The following PLCB3 variants were observed in gnomAD, a reference collection of about 807,000 sequenced individuals.
PLCB3 encodes the protein 1-phosphatidylinositol 4,5-bisphosphate phosphodiesterase beta-3.
Under a neutral mutation model 152.1 loss-of-function variants are expected in PLCB3, and 54 were observed. The observed-to-expected ratio is 0.36, with a 90% confidence interval of 0.29 to 0.45. The LOEUF (loss-of-function observed/expected upper bound fraction) is 0.45, where lower values mean the gene tolerates loss of function less well. Ranked by LOEUF, PLCB3 falls within the 20% of genes least tolerant of loss-of-function variation. The pLI is 1.00. For missense variants in PLCB3, 1,248 were observed against 1,687.5 expected, an observed-to-expected ratio of 0.74 and a Z score of 4.56; for synonymous variants, 717 against 698.7, an observed-to-expected ratio of 1.03 and a Z score of -0.41.
At chr11:64,254,578 G>T in intron 2 of PLCB3, 86 bp downstream of exon 2, 2 of 1,429,314 alleles carry the variant, frequency 1.4e-6, no homozygotes, top group South Asian at 2.3e-5. Context: ...GGGCCCGGCT[G>T]CAGGCTGACC....
At position 64,251,658 on chromosome 11, in the gene PLCB3, C is replaced by T; in HGVS notation, c.9C>T (p.Gly3=). The stretch of plus-strand genomic sequence containing the variant: ...CCGCCCCTGGCCGGGCCATGGCGGG[C>T]GCCCAGCCCGGCGTCCACGCGCTGC... MA[G]AQPGVHALQL... The change falls in exon 1 of 31, where the codon GGC becomes GGT. Residue 3 remains glycine, a synonymous_variant. Transcript: ENST00000279230. 3.4e-6 allele frequency: 5 copies of T among 1,464,244 alleles called. 1 individual carries two copies. In the South Asian group the frequency reaches 4.0e-5, roughly 12 times the overall value. The allele number at this position is 1,464,244 out of a possible 1,614,324, so 90.7% of individuals were successfully genotyped here. A position where few individuals can be genotyped will look rare whatever the true frequency, so the allele number is the denominator to read the frequency against.
chr11:64,261,742 A>G lies in PLCB3; in HGVS notation c.1913+77A>G, dbSNP rs566765503. 2.6e-5 allele frequency: 38 copies of G among 1,452,724 alleles called. No individual in the cohort carries two copies. In the South Asian group the frequency reaches 3.4e-4, roughly 13 times the overall value. 90.0% of individuals were successfully genotyped at this position (1,452,724 alleles called of 1,614,324 possible). ...GCCGGCTCCGGTGTTCTGTCCCCAC[A>G]TATGCCACCTGCACAGGGTGCTGGC... On this transcript the variant is annotated intron_variant, in intron 16 of 30. Transcript: ENST00000279230.
At position 64,258,479 on chromosome 11, in the gene PLCB3, A is replaced by G; in HGVS notation, c.1019A>G (p.Gln340Arg). 1 of 1,612,584 alleles carries G rather than the reference A, an allele frequency of 6.2e-7. No homozygotes were observed. The highest frequency in any genetic ancestry group is 8.5e-7 in the Non-Finnish European group (1 of 1,179,464). Residue 340 changes from glutamine to arginine, a missense_variant, in exon 11 of 31, where the codon CAG becomes CGG. Physicochemically the swap from Gln to Arg is conservative, Grantham distance 43. Coordinates refer to ENST00000279230, the MANE Select transcript of PLCB3 (RefSeq NM_000932.5). This position sits in a 1 kb window ranked among gnomAD's most constrained non-coding sequence, Gnocchi z 7.2. ...SSHNTYLTAGQLAGTSSVEMY... is the reference protein window; with the variant it reads ...SSHNTYLTAGRLAGTSSVEMY... ...CAGAGCCTCGCCGCCCCAGCGGGGCAGCTGGCTGGGACCTCGTCGGTGGAG... is the reference window on the plus strand; with the variant it reads ...CAGAGCCTCGCCGCCCCAGCGGGGCGGCTGGCTGGGACCTCGTCGGTGGAG...
rs765691655 is a variant in PLCB3, at chr11:64,256,417, T to G, written c.740T>G (p.Met247Arg). 1 of 1,613,602 alleles carries G rather than the reference T, an allele frequency of 6.2e-7. No individual in the cohort carries two copies. The highest frequency in any genetic ancestry group is 2.2e-5 in the East Asian group (1 of 44,866). ...CCATACCTGACGCTGGAGCAGCTCA[T>G]GGACTTCATCAACCAGAAGCAACGC... ...GKPYLTLEQLMDFINQKQRDP... is the reference protein window; with the variant it reads ...GKPYLTLEQLRDFINQKQRDP... The change falls in exon 9 of 31, where the codon ATG (methionine) becomes AGG (arginine). Residue 247 changes from methionine to arginine, a missense_variant. Physicochemically the swap from Met to Arg is moderately conservative, Grantham distance 91. Transcript: ENST00000279230.
At chr11:64,265,284 G>A (rs776870992) in intron 24 of PLCB3, 26 bp from the exon 25 acceptor site, 115 of 1,406,404 alleles carry the variant, frequency 8.2e-5, no homozygotes, top group Middle Eastern at 1.9e-4. Context: ...CCCACCCCCC[G>A]CCCACCTTTG....
intron 10 of PLCB3, 66 bp downstream of exon 10, chr11:64,256,830 C>T (rs2031558518): frequency 1.3e-6 from 2 of 1,515,206 alleles, no homozygotes; most frequent in Non-Finnish European, 1.8e-6. Context: ...CCCCACTCCT[C>T]CTGGGGCACA....
In PLCB3 at chr11:64,263,486, T is replaced by C; in HGVS notation, c.2356-12T>C. 6.5e-7 allele frequency: 1 copy of C among 1,536,090 alleles called. No homozygotes were observed. Among genetic ancestry groups the C allele is most frequent in the Non-Finnish European group, 8.8e-7 (1 of 1,135,550 alleles). On this transcript the variant is annotated splice_polypyrimidine_tract_variant and intron_variant, in intron 19 of 30. Transcript: ENST00000279230. ...GGTCAGCCCTGTGGCTCAGCTCCAGTCTGGCCCACAGGTGGTGCTGCCCAC... is the reference window on the plus strand; with the variant it reads ...GGTCAGCCCTGTGGCTCAGCTCCAGCCTGGCCCACAGGTGGTGCTGCCCAC...
At position 64,255,832 on chromosome 11, in the gene PLCB3, C is replaced by T; in HGVS notation, c.698+11C>T. The T allele has an allele frequency of 6.3e-7, 1 of 1,583,026 alleles. No homozygotes were observed. Among genetic ancestry groups the T allele is most frequent in the South Asian group, 1.1e-5 (1 of 90,478 alleles). On this transcript the variant is annotated intron_variant, in intron 8 of 30. Transcript: ENST00000279230. This position sits in a 1 kb window ranked among gnomAD's most constrained non-coding sequence, Gnocchi z 6.8. ...GATCCTGCTGGAGATGTGAGTGGGC[C>T]CGGCCTGCCTCACAACCCCTGTGCT...
rs568726037 is a variant in PLCB3 at position 64,259,283 on chromosome 11, A to G, written c.1525+39A>G. 27 of 1,433,882 alleles carry G rather than the reference A, an allele frequency of 1.9e-5. 1 individual carries two copies. The highest frequency in any genetic ancestry group is 2.5e-4 in the Middle Eastern group (1 of 3,964). 88.8% of individuals were successfully genotyped at this position (1,433,882 alleles called of 1,614,324 possible). ...CGGCCCGCCACCCTGACTTGACCCT[A>G]GCCTCTGGCCTCATGCTCCAGGCGC... On this transcript the variant is annotated intron_variant, in intron 13 of 30. Transcript: ENST00000279230.
intron 1 of PLCB3, among the ~76,000 whole-genome samples, chr11:64,253,864 G>A (rs958481542): frequency 8.5e-5 from 13 of 152,178 alleles, no homozygotes; most frequent in African/African-American, 2.9e-4. Context: ...TGAGGACCCC[G>A]GCAGATGTGG....
chr11:64,266,256 G>A lies in PLCB3; in HGVS notation c.3266+54G>A, dbSNP rs369759996. The A allele has an allele frequency of 1.2e-6, 2 of 1,613,878 alleles. No homozygotes were observed. The highest frequency in any genetic ancestry group is 4.5e-5 in the East Asian group (2 of 44,884). ...GGCTGGGGACTTCTAGTACCAGAAGGAGGGCAGAGTCTGTGCTTCTGCCGC... is the reference window on the plus strand; with the variant it reads ...GGCTGGGGACTTCTAGTACCAGAAGAAGGGCAGAGTCTGTGCTTCTGCCGC... On this transcript the variant is annotated intron_variant, in intron 27 of 30. Transcript: ENST00000279230. This position sits in a 1 kb window ranked among gnomAD's most constrained non-coding sequence, Gnocchi z 4.9.
In PLCB3 at chr11:64,267,850, G is replaced by A. The variant is rs1045343917; in HGVS notation, c.*294G>A. 67 of 405,378 alleles carry A rather than the reference G, an allele frequency of 1.7e-4. No homozygotes were observed. The highest frequency in any genetic ancestry group is 3.2e-4 in the Admixed American group (8 of 24,810). 25.1% of individuals were successfully genotyped at this position (405,378 alleles called of 1,614,324 possible). ...GAGCTGGCTGGAGACTTGGAGCTCC[G>A]GGAAGTAGGAGTCACATTTTTTTCT... On this transcript the variant is annotated 3_prime_UTR_variant, in exon 31 of 31. Coordinates refer to ENST00000279230, the MANE Select transcript of PLCB3 (RefSeq NM_000932.5). The surrounding 1 kb of genome is among the most constrained non-coding windows in gnomAD (Gnocchi z 5.2).
Position 64,254,999 on chromosome 11 carries a change from G to C in PLCB3, c.348G>C (p.Val116=). The C allele has an allele frequency of 6.3e-7, 1 of 1,579,004 alleles. No individual in the cohort carries two copies. The highest frequency in any genetic ancestry group is 8.6e-7 in the Non-Finnish European group (1 of 1,160,308). Residue 116 remains valine, a synonymous_variant, in exon 4 of 31, where the codon GTG becomes GTC. Transcript: ENST00000279230. Reference sequence around the variant, plus strand: ...CTGGGCCAGACCCAGTGAACACAGTGTTCTTGAACTTCATGGCCGTGCAGG... The same window carrying C: ...CTGGGCCAGACCCAGTGAACACAGTCTTCTTGAACTTCATGGCCGTGCAGG... The part of the protein sequence containing the change: ...VVSGPDPVNT[V]FLNFMAVQDD...
intron 22 of PLCB3, among the ~76,000 whole-genome samples, chr11:64,264,381 G>A (rs926401747): frequency 1.3e-5 from 2 of 152,216 alleles, no homozygotes; most frequent in African/African-American, 2.4e-5. Context: ...AGCCACAGAA[G>A]CTGTTCAGAC....
Position 64,255,341 on chromosome 11 carries a change from C to G in PLCB3, c.467+28C>G, listed in dbSNP as rs1215559967. The G allele has an allele frequency of 6.2e-7, 1 of 1,613,040 alleles. No homozygotes were observed. The highest frequency in any genetic ancestry group is 2.2e-5 in the East Asian group (1 of 44,872). On this transcript the variant is annotated intron_variant, in intron 5 of 30. Coordinates refer to ENST00000279230, the MANE Select transcript of PLCB3 (RefSeq NM_000932.5). The surrounding 1 kb of genome is among the most constrained non-coding windows in gnomAD (Gnocchi z 6.8). ...GAGCCCCAGGCCACCCGAGGGGGAG[C>G]CGGGGGGTTCACGTGGCCGTTTTCA...
At position 64,258,326 on chromosome 11, in the gene PLCB3, ACGC is replaced by A. The variant is rs2031649283; in HGVS notation, c.1013-146_1013-144del. 7 of 853,372 alleles carry A rather than the reference ACGC, an allele frequency of 8.2e-6. No homozygotes were observed. Among genetic ancestry groups the A allele is most frequent in the Non-Finnish European group, 1.8e-6 (1 of 564,336 alleles). 52.9% of individuals were successfully genotyped at this position (853,372 alleles called of 1,614,324 possible). ...TCTCAGGGATGACTCCCCCCAGCTC[ACGC>A]TGGTGGGATGGACAGGTGGTGGGTA... On this transcript the variant is annotated intron_variant, in intron 10 of 30. Coordinates refer to ENST00000279230, the MANE Select transcript of PLCB3 (RefSeq NM_000932.5). This position sits in a 1 kb window ranked among gnomAD's most constrained non-coding sequence, Gnocchi z 7.2.
Position 64,261,414 on chromosome 11 carries a change from C to T in PLCB3, c.1746C>T (p.Ser582=), listed in dbSNP as rs772967592. The T allele has an allele frequency of 5.0e-6, 8 of 1,613,758 alleles. No homozygotes were observed. Among genetic ancestry groups the T allele is most frequent in the African/African-American group, 4.0e-5 (3 of 75,008 alleles). The change falls in exon 15 of 31, where the codon AGC becomes AGT. Residue 582 remains serine, a synonymous_variant. Transcript: ENST00000279230. ...KPTTDEGTAS[S]EVNATEEMST... ...GGGGCCCACAGGGCACAGCCAGCAGCGAGGTGAATGCCACTGAGGAGATGT... is the reference window on the plus strand; with the variant it reads ...GGGGCCCACAGGGCACAGCCAGCAGTGAGGTGAATGCCACTGAGGAGATGT...
rs770546466 is a variant in PLCB3, at chr11:64,255,967, C to T, written c.698+146C>T. 10 of 656,458 alleles carry T rather than the reference C, an allele frequency of 1.5e-5. No homozygotes were observed. In the East Asian group the frequency reaches 1.6e-4, roughly 11 times the overall value. The allele number at this position is 656,458 out of a possible 1,614,324, so 40.7% of individuals were successfully genotyped here. A position where few individuals can be genotyped will look rare whatever the true frequency, so the allele number is the denominator to read the frequency against. On this transcript the variant is annotated intron_variant, in intron 8 of 30. Transcript: ENST00000279230. This position sits in a 1 kb window ranked among gnomAD's most constrained non-coding sequence, Gnocchi z 6.8. Reference sequence around the variant, plus strand: ...GGAGGGGTGCCCAGGGAGAACCTGTCGGTGATGTTCCTGTACTCAGACCCG... The same window carrying T: ...GGAGGGGTGCCCAGGGAGAACCTGTTGGTGATGTTCCTGTACTCAGACCCG...
Position 64,255,672 on chromosome 11 carries a change from A to T in PLCB3, c.598-49A>T, listed in dbSNP as rs757942727. ...GGTGTCACGGTGGGCACCCACCCTT[A>T]CGGGGCTGCCCGCCCCTGGCTTCTC... On this transcript the variant is annotated intron_variant, in intron 7 of 30. Coordinates refer to ENST00000279230, the MANE Select transcript of PLCB3 (RefSeq NM_000932.5). This position sits in a 1 kb window ranked among gnomAD's most constrained non-coding sequence, Gnocchi z 6.8. 6.3e-7 allele frequency: 1 copy of T among 1,595,244 alleles called. No homozygotes were observed. The highest frequency in any genetic ancestry group is 8.6e-7 in the Non-Finnish European group (1 of 1,166,074).
Sources: allele counts gnomAD v4.1 joint callset (sites outside exome capture counted in the v4.1 genomes callset), GRCh38; gene constraint gnomAD v4.1.1; non-coding constraint Gnocchi (gnomAD v3.1); transcripts MANE v1.5; gene names NCBI Gene and HGNC (gene_info 2026-07-23, HGNC 2026-07-21).